The following ZCWPW1 variants were observed in gnomAD, a reference collection of about 807,000 sequenced individuals.
ZCWPW1 encodes the protein zinc finger CW-type and PWWP domain containing 1, also known as zinc finger CW-type PWWP domain protein 1.
A neutral mutation model predicts 81.3 loss-of-function variants in ZCWPW1; 56 were observed. That is an observed-to-expected ratio of 0.69 (90% CI 0.56 to 0.86). The LOEUF (loss-of-function observed/expected upper bound fraction) is 0.86. Ranked by LOEUF, ZCWPW1 falls within the 40% of genes least tolerant of loss-of-function variation. The probability of loss-of-function intolerance (pLI) is 0.00; values close to 1 mark genes in which losing one functional copy is unlikely to be tolerated. For synonymous variants in ZCWPW1, 250 were observed against 273.7 expected, an observed-to-expected ratio of 0.91 and a Z score of 0.86; for missense variants, 650 against 769.8, an observed-to-expected ratio of 0.84 and a Z score of 1.84.
At chr7:100,418,398 C>G (rs1335973263) in intron 5 of ZCWPW1, among the ~76,000 whole-genome samples, 1 of 152,188 alleles carries the variant, frequency 6.6e-6, no homozygotes, top group Non-Finnish European at 1.5e-5. Flanking sequence ...CGTCTACAAT[C>G]CCAACACTTT....
At chr7:100,408,740 A>G (rs750747244) in intron 9 of ZCWPW1, 81 bp from the exon 10 acceptor site, 15 of 1,533,556 alleles carry the variant, frequency 9.8e-6, no homozygotes, top group Non-Finnish European at 1.3e-5. Flanking sequence ...GGAGAGAACA[A>G]GAAGGAAATT....
At chr7:100,417,244 C>G in intron 5 of ZCWPW1, 61 bp from the exon 6 acceptor site, 1 of 1,328,382 alleles carries the variant, frequency 7.5e-7, no homozygotes. Context: ...CTCTATTACT[C>G]CCTAACATTT....
intron 5 of ZCWPW1, among the ~76,000 whole-genome samples, chr7:100,417,695 G>A (rs1795569969): frequency 6.6e-6 from 1 of 151,368 alleles, no homozygotes; most frequent in Non-Finnish European, 1.5e-5. Context: ...TCTAGCCTGG[G>A]CAACAGAGTG....
At chr7:100,409,790 T>C (rs1401578399) in intron 8 of ZCWPW1, among the ~76,000 whole-genome samples, 1 of 152,202 alleles carries the variant, frequency 6.6e-6, no homozygotes, top group South Asian at 2.1e-4. Context: ...CCTTGATCTT[T>C]TTCCTGTACT....
intron 15 of ZCWPW1, 113 bp downstream of exon 15, chr7:100,403,581 T>C: frequency 1.1e-6 from 1 of 877,682 alleles, no homozygotes; most frequent in South Asian, 1.6e-5. Context: ...CCCAGCACTT[T>C]GGAAGGCTGA....
At chr7:100,413,805 C>A (rs944227334) in intron 8 of ZCWPW1, among the ~76,000 whole-genome samples, 1 of 151,982 alleles carries the variant, frequency 6.6e-6, no homozygotes, top group African/African-American at 2.4e-5. Context: ...GTTACCCAGG[C>A]TAGTCTGGAC....
intron 10 of ZCWPW1, among the ~76,000 whole-genome samples, 166 bp downstream of exon 10, chr7:100,408,373 C>G (rs1352276344): frequency 6.6e-6 from 1 of 152,210 alleles, no homozygotes; most frequent in Admixed American, 6.5e-5. Flanking sequence ...AAAATACACT[C>G]TTTCAAAGCC....
intron 14 of ZCWPW1, among the ~76,000 whole-genome samples, 154 bp from the exon 15 acceptor site, chr7:100,403,939 C>T (rs1792445996): frequency 6.6e-6 from 1 of 152,100 alleles, no homozygotes; most frequent in Non-Finnish European, 1.5e-5. Flanking sequence ...CCACCCTTTT[C>T]AAAGTCCATC....
rs1270620334 is a variant in ZCWPW1, at chr7:100,428,572, G to C, written c.-141C>G. The C allele has an allele frequency of 6.6e-6, 1 of 152,612 alleles. No homozygotes were observed. Among genetic ancestry groups the C allele is most frequent in the Non-Finnish European group, 1.5e-5 (1 of 68,374 alleles). The allele number at this position is 152,612 out of a possible 1,614,324, so 9.5% of individuals were successfully genotyped here. On this transcript the variant is annotated 5_prime_UTR_variant, in exon 1 of 18. Transcript: ENST00000684423. ...TGGTCTCCTTCACGCCCTCACCTTA[G>C]GATTTTGAGACTCTCCTGGACCCCA...
intron 7 of ZCWPW1, 45 bp downstream of exon 7, chr7:100,416,260 G>A (rs1795192664): frequency 1.9e-6 from 3 of 1,604,964 alleles, no homozygotes; most frequent in African/African-American, 1.3e-5. Flanking sequence ...ATTTCCTGGA[G>A]CTAGTACTTG....
At chr7:100,411,777 A>G (rs908203886) in intron 8 of ZCWPW1, among the ~76,000 whole-genome samples, 6 of 152,200 alleles carry the variant, frequency 3.9e-5, no homozygotes, top group South Asian at 2.1e-4. Context: ...AGTACTCATA[A>G]GAAAATGAGT....
At chr7:100,415,893 T>C in intron 8 of ZCWPW1, 82 bp downstream of exon 8, 1 of 1,556,592 alleles carries the variant, frequency 6.4e-7, no homozygotes, top group Non-Finnish European at 8.8e-7. Context: ...TTTGCAGAGG[T>C]TCCTCTAACA....
Position 100,416,746 on chromosome 7 carries a change from G to A in ZCWPW1, c.480-290C>T, listed in dbSNP as rs142560388. The stretch of plus-strand genomic sequence containing the variant: ...GTGGATCACAAGGTCAGGAGTTCGA[G>A]ACCAACCTGGCTGATATGGTGAACC... On this transcript the variant is annotated intron_variant, in intron 6 of 17. Coordinates refer to ENST00000684423, the MANE Select transcript of ZCWPW1 (RefSeq NM_001386010.1). Among the ~76,000 whole-genome samples, 206 of 152,230 alleles carry A rather than the reference G, an allele frequency of 1.4e-3. 2 individuals carry two copies. The East Asian group carries it at 0.038, about 28-fold the overall frequency.
intron 2 of ZCWPW1, among the ~76,000 whole-genome samples, chr7:100,421,850 C>T (rs913334541): frequency 2.2e-4 from 34 of 152,082 alleles, no homozygotes; most frequent in East Asian, 3.9e-4. Context: ...GCGCCACCAC[C>T]GCCGACTAAT....
chr7:100,423,878 G>T (rs987510450), intron 2 of ZCWPW1, among the ~76,000 whole-genome samples: 1 of 152,128 alleles, frequency 6.6e-6, no homozygotes, highest in African/African-American at 2.4e-5. Flanking sequence ...AGACCAGCCT[G>T]TTCAACGTGG....
At chr7:100,423,358 C>T (rs1408724653) in intron 2 of ZCWPW1, among the ~76,000 whole-genome samples, 3 of 152,134 alleles carry the variant, frequency 2.0e-5, no homozygotes, top group Admixed American at 6.6e-5. Flanking sequence ...CCAAAAGCGA[C>T]GTAAAATGGA....
At chr7:100,416,509 C>G in intron 6 of ZCWPW1, 53 bp from the exon 7 acceptor site, 1 of 1,589,234 alleles carries the variant, frequency 6.3e-7, no homozygotes, top group East Asian at 2.2e-5. Flanking sequence ...AATTGCAGAA[C>G]TCTTCTTCTG....
chr7:100,421,398 T>C (rs1796315091), intron 2 of ZCWPW1, among the ~76,000 whole-genome samples: 1 of 152,200 alleles, frequency 6.6e-6, no homozygotes, highest in Non-Finnish European at 1.5e-5. Context: ...TATAATTTGG[T>C]AATTCTCTGA....
chr7:100,402,619 C>A lies in ZCWPW1; in HGVS notation c.1414-43G>T, dbSNP rs192350517. 257 of 1,587,866 alleles carry A rather than the reference C, an allele frequency of 1.6e-4. 5 individuals carry two copies. The Admixed American group carries it at 4.3e-3, about 26-fold the overall frequency. On this transcript the variant is annotated intron_variant, in intron 15 of 17. Transcript: ENST00000684423. ...AGTTTAAAAAAATGATAAATCAAGG[C>A]CCCTAACTGTTTTTAATAGAGAAGG...
Sources: allele counts gnomAD v4.1 joint callset (sites outside exome capture counted in the v4.1 genomes callset), GRCh38; gene constraint gnomAD v4.1.1; transcripts MANE v1.5; gene names NCBI Gene and HGNC (gene_info 2026-07-23, HGNC 2026-07-21).